Variants in PIAS2 observed in about 807,000 individuals in gnomAD.
PIAS2 encodes the protein E3 SUMO-protein ligase PIAS2.
A neutral mutation model predicts 69.7 loss-of-function variants in PIAS2; 19 were observed. The ratio of observed to expected loss-of-function variants is 0.27; its 90% CI spans 0.19 to 0.40. The LOEUF (loss-of-function observed/expected upper bound fraction) is 0.40, where lower values mean the gene tolerates loss of function less well. PIAS2 is among the 10% of genes least tolerant of loss of function. The pLI is 1.00. For synonymous variants in PIAS2, 261 were observed against 263.2 expected (o/e 0.99, Z 0.08); for missense variants, 624 against 757.0 (o/e 0.82, Z 2.06).
intron 1 of PIAS2, among the ~76,000 whole-genome samples, chr18:46,902,755 T>C (rs1166491493): frequency 2.0e-5 from 3 of 152,130 alleles, no homozygotes; most frequent in Non-Finnish European, 4.4e-5. Flanking sequence ...GAAATATTAA[T>C]AGAACAGCCA....
At chr18:46,863,547 C>T (rs2048981766) in intron 3 of PIAS2, among the ~76,000 whole-genome samples, 1 of 152,172 alleles carries the variant, frequency 6.6e-6, no homozygotes, top group Admixed American at 6.5e-5. Flanking sequence ...ATACTGCCAC[C>T]TCCCAAAGTG....
At chr18:46,894,015 A>T (rs1272912042) in intron 1 of PIAS2, among the ~76,000 whole-genome samples, 2 of 152,056 alleles carry the variant, frequency 1.3e-5, no homozygotes, top group Non-Finnish European at 2.9e-5. Flanking sequence ...AGTCCCTGCT[A>T]CTCGGGAGGC....
intron 8 of PIAS2, 124 bp from the exon 9 acceptor site, chr18:46,836,641 A>C (rs1259684556): frequency 1.5e-6 from 1 of 655,300 alleles, no homozygotes; most frequent in Non-Finnish European, 2.6e-6. Flanking sequence ...ATAGAAATCC[A>C]AATCAGAATG....
At chr18:46,874,140 T>C (rs941076685) in intron 2 of PIAS2, among the ~76,000 whole-genome samples, 5 of 152,074 alleles carry the variant, frequency 3.3e-5, no homozygotes, top group African/African-American at 1.2e-4. Context: ...CAGATAATTG[T>C]TTAATATGCA....
intron 2 of PIAS2, among the ~76,000 whole-genome samples, chr18:46,876,697 A>ATT (rs57650764): frequency 0.016 from 2,267 of 142,958 alleles, 38 homozygotes; most frequent in Middle Eastern, 0.029. Flanking sequence ...CCCTTTACTA[A>ATT]TTTTTTTTTT....
At chr18:46,888,249 TA>T (rs1316343639) in intron 2 of PIAS2, among the ~76,000 whole-genome samples, 2 of 152,146 alleles carry the variant, frequency 1.3e-5, no homozygotes, top group East Asian at 1.9e-4. Flanking sequence ...CTGGAAGACT[TA>T]ATTTTTTTTT....
chr18:46,895,921 T>C (rs2146074334), intron 1 of PIAS2, among the ~76,000 whole-genome samples: 1 of 151,442 alleles, frequency 6.6e-6, no homozygotes, highest in East Asian at 1.9e-4. Flanking sequence ...GACTAATGGG[T>C]TTCTCCCTTA....
intron 1 of PIAS2, chr18:46,893,461 A>T: frequency 5.1e-6 from 5 of 984,114 alleles, no homozygotes; most frequent in Non-Finnish European, 6.0e-6. Context: ...AATTTCTAGG[A>T]GGTCTCATAT....
chr18:46,890,882 G>A lies in PIAS2; in HGVS notation c.197C>T (p.Pro66Leu). The A allele has an allele frequency of 6.2e-7, 1 of 1,614,134 alleles. No individual in the cohort carries two copies. ...ATCAGAAAGTCCTTCAAGAGTTCGT[G>A]GATATCGGCGTCTATACAATTCTCG... ...KIRELYRRRY[P>L]RTLEGLSDLS... Residue 66 changes from proline to leucine, a missense_variant, in exon 2 of 14, where the codon CCA becomes CTA. This residue lies in a region of PIAS2 where 339 missense variants were observed against 408.8 expected (regional missense o/e 0.83). Coordinates refer to ENST00000585916, the MANE Select transcript of PIAS2 (RefSeq NM_004671.5).
chr18:46,828,275 C>T, intron 10 of PIAS2, 145 bp from the exon 11 acceptor site: 1 of 618,300 alleles, frequency 1.6e-6, no homozygotes, highest in Non-Finnish European at 2.6e-6. Flanking sequence ...GGACAAATAC[C>T]AACTCCCTAA....
intron 3 of PIAS2, among the ~76,000 whole-genome samples, chr18:46,855,922 C>G (rs950420572): frequency 2.0e-5 from 3 of 150,084 alleles, no homozygotes; most frequent in Non-Finnish European, 3.0e-5. Flanking sequence ...AGCCTAAGTT[C>G]GGAAAGAGTT....
intron 11 of PIAS2, among the ~76,000 whole-genome samples, chr18:46,822,715 C>G (rs887057210): frequency 6.6e-6 from 1 of 152,090 alleles, no homozygotes; most frequent in Non-Finnish European, 1.5e-5. Context: ...GAGACCACCT[C>G]TCACACACAA....
chr18:46,895,256 A>G (rs1166174451), intron 1 of PIAS2, among the ~76,000 whole-genome samples: 4 of 152,136 alleles, frequency 2.6e-5, no homozygotes, highest in Non-Finnish European at 5.9e-5. Context: ...AAAGGTCAAT[A>G]AGAACTCTGT....
chr18:46,846,515 T>G (rs1599669925), intron 6 of PIAS2, 192 bp downstream of exon 6: 1 of 424,900 alleles, frequency 2.4e-6, no homozygotes, highest in Admixed American at 4.3e-5. Context: ...GAGATGATAT[T>G]CAGGAAAGCT....
In PIAS2 at chr18:46,910,442, T is replaced by C. The variant is rs984888117; in HGVS notation, c.24+6880A>G. 2.6e-5 allele frequency among the ~76,000 whole-genome samples: 4 copies of C among 152,178 alleles called. No homozygotes were observed. In the East Asian group the frequency reaches 7.7e-4, roughly 29 times the overall value. On this transcript the variant is annotated intron_variant, in intron 1 of 13. Transcript: ENST00000585916. ...TAAATATTTAAAATACAAAAATTAG[T>C]ATGGAATACCTAAATACAAACCCAC... is the stretch of plus-strand genomic sequence containing the variant.
At chr18:46,844,687 T>TC in intron 7 of PIAS2, 47 bp downstream of exon 7, 1 of 706,070 alleles carries the variant, frequency 1.4e-6, no homozygotes, top group South Asian at 3.1e-5. Context: ...ATATGCTCAA[T>TC]CTTTTTTTTT....
intron 11 of PIAS2, 54 bp from the exon 12 acceptor site, chr18:46,821,126 G>A (rs1390200963): frequency 1.3e-6 from 2 of 1,586,866 alleles, no homozygotes; most frequent in Non-Finnish European, 1.7e-6. Flanking sequence ...GTTCACAGGA[G>A]AGAAGAGCTG....
intron 1 of PIAS2, among the ~76,000 whole-genome samples, chr18:46,900,006 G>T (rs2055552090): frequency 6.6e-6 from 1 of 152,170 alleles, no homozygotes; most frequent in South Asian, 2.1e-4. Flanking sequence ...CAAGTGGGCA[G>T]ATCACTTGAA....
intron 13 of PIAS2, among the ~76,000 whole-genome samples, chr18:46,815,026 C>A (rs2041360803): frequency 6.6e-6 from 1 of 152,182 alleles, no homozygotes; most frequent in Non-Finnish European, 1.5e-5. Flanking sequence ...AGCCACCCAG[C>A]ACTGCTTCTA....
Sources: allele counts gnomAD v4.1 joint callset (sites outside exome capture counted in the v4.1 genomes callset), GRCh38; gene constraint gnomAD v4.1.1; regional missense constraint gnomAD v4.1.1; transcripts MANE v1.5; gene names NCBI Gene and HGNC (gene_info 2026-07-23, HGNC 2026-07-21).